Variants in SCUBE2 observed in about 807,000 individuals in gnomAD.
SCUBE2 encodes signal peptide, CUB domain and EGF like domain containing 2.
SCUBE2 carries 114 observed loss-of-function variants against 125.9 expected under a neutral mutation model. That is an observed-to-expected ratio of 0.91 (90% CI 0.78 to 1.06). SCUBE2 has a LOEUF of 1.06. Ranked by LOEUF, SCUBE2 falls within the 50% of genes least tolerant of loss-of-function variation. The probability of loss-of-function intolerance (pLI) is 0.00; values close to 1 mark genes in which losing one functional copy is unlikely to be tolerated. For synonymous variants in SCUBE2, 459 were observed against 492.9 expected (o/e 0.93, Z 0.91); for missense variants, 1,255 against 1,301.8 (o/e 0.96, Z 0.55).
chr11:9,054,725 A>ATATATTTT (rs1368153935), intron 10 of SCUBE2, among the ~76,000 whole-genome samples: 1 of 22,348 alleles, frequency 4.5e-5, no homozygotes. Flanking sequence ...ATATATATAT[A>ATATATTTT]TTTTTTTTTT....
At chr11:9,086,698 C>T (rs576616590) in intron 2 of SCUBE2, among the ~76,000 whole-genome samples, 23 of 152,154 alleles carry the variant, frequency 1.5e-4, no homozygotes, top group Non-Finnish European at 2.4e-4. Flanking sequence ...ACTAAAAATA[C>T]AAAAATTAGC....
chr11:9,081,713 A>T (rs774331561), intron 2 of SCUBE2, among the ~76,000 whole-genome samples: 3 of 152,064 alleles, frequency 2.0e-5, no homozygotes, highest in Non-Finnish European at 2.9e-5. Flanking sequence ...TACATAACAC[A>T]TGTTGCTTAT....
At position 9,079,437 on chromosome 11, in the gene SCUBE2, C is replaced by G; in HGVS notation, c.329G>C (p.Arg110Pro). ...CATGAAGCCATCAAAACAAGTGCAA[C>G]GATAATTGCCTGGAATATTCAAACA... ...HDCLNIPGNY[R>P]CTCFDGFMLA... Residue 110 changes from arginine (R) to proline (P), a missense_variant, in exon 3 of 23, where the codon CGT becomes CCT. Arg to Pro is a moderately radical substitution (Grantham distance 103, BLOSUM62 -2). Around this residue, in one of 3 missense-constraint regions of SCUBE2, gnomAD observed 362 missense variants for 323.0 expected, o/e 1.12. Coordinates refer to ENST00000649792, the MANE Select transcript of SCUBE2 (RefSeq NM_001367977.2). 6.2e-7 allele frequency: 1 copy of G among 1,614,074 alleles called. No individual in the cohort carries two copies. Among genetic ancestry groups the G allele is most frequent in the Non-Finnish European group, 8.5e-7 (1 of 1,180,004 alleles).
In SCUBE2 at chr11:9,021,141, G is replaced by C; in HGVS notation, c.2991C>G (p.Phe997Leu). 1 of 1,613,310 alleles carries C rather than the reference G, an allele frequency of 6.2e-7. No homozygotes were observed. Among genetic ancestry groups the C allele is most frequent in the Non-Finnish European group, 8.5e-7 (1 of 1,179,552 alleles). The change falls in exon 23 of 23, where the codon TTC becomes TTG. Residue 997 changes from phenylalanine to leucine, a missense_variant. By Grantham distance (22) the Phe-to-Leu change is conservative. Transcript: ENST00000649792. ...FDVLAHPQNY[F>L]KYTAQESREM... ...CTCGGGACTCCTGGGCTGTGTACTT[G>C]AAATAGTTCTGGGGATGGGCCAGGA...
chr11:9,025,992 T>C (rs1855717904), intron 20 of SCUBE2, 138 bp from the exon 21 acceptor site: 3 of 862,906 alleles, frequency 3.5e-6, no homozygotes, highest in South Asian at 1.8e-5. Context: ...TGAGCCATCA[T>C]AAGTCAAAGG....
intron 9 of SCUBE2, among the ~76,000 whole-genome samples, chr11:9,056,652 C>A (rs912207933): frequency 6.6e-6 from 1 of 152,154 alleles, no homozygotes; most frequent in African/African-American, 2.4e-5. Context: ...ACAGCAGCCT[C>A]AGGAGGCTGC....
At chr11:9,046,154 G>A (rs12272190) in intron 16 of SCUBE2, among the ~76,000 whole-genome samples, 19,474 of 151,664 alleles carry the variant, frequency 0.13, 1,280 homozygotes, top group Middle Eastern at 0.17. Flanking sequence ...GTATAGGCAC[G>A]CGCCACCACG....
chr11:9,060,327 T>C (rs1030496073), intron 8 of SCUBE2, 81 bp downstream of exon 8: 1 of 1,049,032 alleles, frequency 9.5e-7, no homozygotes, highest in African/African-American at 1.6e-5. Context: ...GAGGGTATGT[T>C]GCCTTTATCC....
chr11:9,068,298 T>A (rs1022567933), intron 5 of SCUBE2, among the ~76,000 whole-genome samples: 2 of 152,210 alleles, frequency 1.3e-5, no homozygotes, highest in African/African-American at 4.8e-5. Flanking sequence ...AGGAACACCA[T>A]GAATTGCCAG....
chr11:9,060,354 TG>T (rs1859547764), intron 8 of SCUBE2, 53 bp downstream of exon 8: 2 of 1,361,860 alleles, frequency 1.5e-6, no homozygotes, highest in South Asian at 2.3e-5. Context: ...GTTAGCGGCA[TG>T]GGCCCTCCCT....
At chr11:9,050,474 G>A in intron 14 of SCUBE2, 132 bp downstream of exon 14, 1 of 685,316 alleles carries the variant, frequency 1.5e-6, no homozygotes, top group Non-Finnish European at 2.6e-6. Context: ...AGTTGGGGAT[G>A]GTTCAGTTCC....
chr11:9,038,156 G>T (rs1267078425), intron 16 of SCUBE2, among the ~76,000 whole-genome samples: 2 of 152,002 alleles, frequency 1.3e-5, no homozygotes, highest in Non-Finnish European at 2.9e-5. Flanking sequence ...GGGTTCTCAG[G>T]GCAGTAAATA....
intron 13 of SCUBE2, among the ~76,000 whole-genome samples, chr11:9,051,754 A>T (rs1858441758): frequency 1.3e-5 from 2 of 152,202 alleles, no homozygotes; most frequent in Admixed American, 1.3e-4. Context: ...TAATGCATTT[A>T]AAAAAAGGAA....
intron 16 of SCUBE2, among the ~76,000 whole-genome samples, chr11:9,034,408 C>T (rs377122939): frequency 3.0e-4 from 46 of 152,236 alleles, no homozygotes; most frequent in East Asian, 1.2e-3. Context: ...TTTATTGTCA[C>T]AGGTAAAGGA....
intron 4 of SCUBE2, among the ~76,000 whole-genome samples, chr11:9,071,895 T>C (rs1236701219): frequency 6.6e-6 from 1 of 152,112 alleles, no homozygotes; most frequent in African/African-American, 2.4e-5. Flanking sequence ...TCTGAGAGCC[T>C]GAGCACCCAT....
intron 5 of SCUBE2, 36 bp downstream of exon 5, chr11:9,069,334 G>A (rs558262427): frequency 2.0e-5 from 33 of 1,612,116 alleles, no homozygotes; most frequent in South Asian, 2.0e-4. Flanking sequence ...GGAATACGAC[G>A]GTTCCCATGG....
intron 4 of SCUBE2, among the ~76,000 whole-genome samples, chr11:9,071,186 A>G (rs1468459919): frequency 6.6e-6 from 1 of 152,206 alleles, no homozygotes; most frequent in African/African-American, 2.4e-5. Context: ...TGCCCAAGAA[A>G]TGGGGGCAGG....
intron 13 of SCUBE2, among the ~76,000 whole-genome samples, chr11:9,050,975 G>A (rs1232030722): frequency 2.0e-5 from 3 of 151,950 alleles, no homozygotes; most frequent in Non-Finnish European, 4.4e-5. Context: ...CCAGCCTGGC[G>A]AACATGGTGA....
chr11:9,045,351 C>A (rs1177848889), intron 16 of SCUBE2, among the ~76,000 whole-genome samples: 1 of 152,020 alleles, frequency 6.6e-6, no homozygotes, highest in African/African-American at 2.4e-5. Flanking sequence ...ACAGGCACTA[C>A]TTTCATAATT....
Sources: gnomAD v4.1 joint callset for allele counts (sites outside exome capture counted in the v4.1 genomes callset) on GRCh38, gnomAD v4.1.1 for gene constraint, gnomAD v4.1.1 regional missense constraint, MANE v1.5 for transcripts, NCBI Gene and HGNC (gene_info 2026-07-23, HGNC 2026-07-21) for gene names.